Variants in MTCL1 observed in about 807,000 individuals in gnomAD.
MTCL1 encodes the protein microtubule crosslinking factor 1, also known as microtubule cross-linking factor 1.
MTCL1 carries 79 observed loss-of-function variants against 141.4 expected under a neutral mutation model. The observed-to-expected ratio is 0.56, with a 90% confidence interval of 0.47 to 0.67. MTCL1 has a LOEUF of 0.67. MTCL1 is among the 30% of genes least tolerant of loss of function. The pLI, the probability that MTCL1 is intolerant of heterozygous loss-of-function variation, is 0.00. For missense variants in MTCL1, 2,177 were observed against 2,113.9 expected (o/e 1.03, Z -0.59); for synonymous variants, 914 against 875.8 (o/e 1.04, Z -0.77).
At chr18:8,819,367 T>G (rs1487048740) in intron 13 of MTCL1, 108 bp downstream of exon 12, 3 of 1,147,188 alleles carry the variant, frequency 2.6e-6, no homozygotes, top group Non-Finnish European at 3.7e-6. Context: ...CTAGCACTTT[T>G]GCATACAGCA....
chr18:8,771,978 A>G (rs955261681), intron 4 of MTCL1, among the ~76,000 whole-genome samples: 1 of 152,232 alleles, frequency 6.6e-6, no homozygotes, highest in Non-Finnish European at 1.5e-5. Context: ...TAAACTGGGC[A>G]TGACTAATGT....
At chr18:8,753,627 A>C (rs2096382919) in intron 4 of MTCL1, among the ~76,000 whole-genome samples, 1 of 152,206 alleles carries the variant, frequency 6.6e-6, no homozygotes, top group Non-Finnish European at 1.5e-5. Context: ...CTGTGGTGTC[A>C]CAGCTGGGGA....
chr18:8,826,121 G>T (rs142663598), exon 15 of MTCL1: 1 of 1,613,226 alleles, frequency 6.2e-7, no homozygotes, highest in Non-Finnish European at 8.5e-7. Flanking sequence ...TCAACAAGAA[G>T]CTGCTGGAAC....
chr18:8,756,291 C>T (rs1161364790), intron 4 of MTCL1, among the ~76,000 whole-genome samples: 1 of 146,198 alleles, frequency 6.8e-6, no homozygotes, highest in East Asian at 1.9e-4. Flanking sequence ...CAGCCTTAGC[C>T]ATGAAAAAGA....
rs144478727 is a variant in MTCL1, at chr18:8,806,634, G to A, written c.2437-259G>A. 4.9e-3 allele frequency among the ~76,000 whole-genome samples: 740 copies of A among 152,266 alleles called. 4 individuals are homozygous for A. Among genetic ancestry groups the A allele is most frequent in the African/African-American group, 0.017 (695 of 41,544 alleles). On this transcript the variant is annotated intron_variant, in intron 10 of 16. Transcript: ENST00000359865. Reference sequence around the variant, plus strand: ...TTCCGGCGTCTGAACACAGCTGCCAGGTCACCAGGGCAGCCTTCCTTCTAC... The same window carrying A: ...TTCCGGCGTCTGAACACAGCTGCCAAGTCACCAGGGCAGCCTTCCTTCTAC...
chr18:8,793,226 C>T, intron 8 of MTCL1, 106 bp downstream of exon 7: 2 of 1,504,910 alleles, frequency 1.3e-6, no homozygotes, highest in Non-Finnish European at 1.8e-6. Flanking sequence ...TGCGTACAGG[C>T]TGCTAGACTC....
At chr18:8,769,583 C>T (rs1300798346) in intron 4 of MTCL1, among the ~76,000 whole-genome samples, 1 of 152,094 alleles carries the variant, frequency 6.6e-6, no homozygotes, top group African/African-American at 2.4e-5. Flanking sequence ...ATGTCATGTT[C>T]CCGAGTTTGC....
At chr18:8,712,790 A>G (rs1425907356), upstream of MTCL1, among the ~76,000 whole-genome samples, 2 of 152,270 alleles carry the variant, frequency 1.3e-5, no homozygotes, top group African/African-American at 2.4e-5. Flanking sequence ...AATGAGGTGG[A>G]TTATTCGTAT....
chr18:8,720,510 G>C lies in MTCL1; in HGVS notation c.357+14G>C, dbSNP rs367643439. The C allele has an allele frequency of 1.9e-6, 3 of 1,612,080 alleles. No homozygotes were observed. The highest frequency in any genetic ancestry group is 2.5e-6 in the Non-Finnish European group (3 of 1,178,722). Reference sequence around the variant, plus strand: ...AGACTGAAAGAGGTAATCCAAAACTGTGGGGGTCCTGCCCCCTTGGATTTA... The same window carrying C: ...AGACTGAAAGAGGTAATCCAAAACTCTGGGGGTCCTGCCCCCTTGGATTTA... On this transcript the variant is annotated intron_variant, in intron 4 of 16. Transcript: ENST00000359865.
intron 4 of MTCL1, among the ~76,000 whole-genome samples, chr18:8,733,206 G>A (rs924971895): frequency 2.6e-5 from 4 of 152,246 alleles, no homozygotes; most frequent in African/African-American, 7.2e-5. Context: ...GGGCTGAGGT[G>A]AGACGAGGCC....
intron 10 of MTCL1, chr18:8,802,010 T>G (rs2076139290): frequency 6.6e-6 from 1 of 152,202 alleles, no homozygotes; most frequent in African/African-American, 2.4e-5. Context: ...GGATAATGGT[T>G]TTTAGAAAAG....
intron 4 of MTCL1, among the ~76,000 whole-genome samples, chr18:8,730,329 G>A (rs370563640): frequency 2.6e-5 from 4 of 152,110 alleles, no homozygotes; most frequent in African/African-American, 7.2e-5. Flanking sequence ...ACACAGCCCC[G>A]TCCTTATGAA....
At chr18:8,768,748 A>G (rs527752621) in intron 4 of MTCL1, among the ~76,000 whole-genome samples, 1 of 150,188 alleles carries the variant, frequency 6.7e-6, no homozygotes, top group African/African-American at 2.4e-5. Flanking sequence ...ATTTCCTTCC[A>G]TTAGACCAAT....
At position 8,712,081 on chromosome 18, in the gene MTCL1, C is replaced by A. The variant is rs1207189971; in HGVS notation, c.1053+5368C>A. ...TTTAGCAGCCATAACCCCACACCTC[C>A]CCCACCCCCAAATAGTGTCCTCTTG... On this transcript the variant is annotated intron_variant, in intron 1 of 13. Coordinates refer to the MTCL1 transcript ENST00000306329. Among the ~76,000 whole-genome samples the A allele has an allele frequency of 2.0e-5, 3 of 152,208 alleles. No homozygotes were observed. In the East Asian group the frequency reaches 5.8e-4, roughly 29 times the overall value.
rs2242273 is a variant in MTCL1 at position 8,828,954 on chromosome 18, C to G, written c.*8C>G. The G allele has an allele frequency of 6.2e-7, 1 of 1,613,998 alleles. No individual in the cohort carries two copies. The highest frequency in any genetic ancestry group is 1.3e-5 in the African/African-American group (1 of 74,920). On this transcript the variant is annotated 3_prime_UTR_variant, in exon 16 of 17. Coordinates refer to ENST00000359865, the Ensembl canonical transcript of MTCL1. This position sits in a 1 kb window ranked among gnomAD's most constrained non-coding sequence, Gnocchi z 5.2. ...GCCCCCTGGGGACTCTAGCCCTGCC[C>G]GCCTCACGCTGTAAGTGCTTCCTTC...
chr18:8,817,680 G>C (rs980863691), intron 12 of MTCL1, among the ~76,000 whole-genome samples: 1 of 152,194 alleles, frequency 6.6e-6, no homozygotes, highest in Non-Finnish European at 1.5e-5. Context: ...GGAGGTTTTA[G>C]AATTTCCTGG....
upstream of MTCL1, among the ~76,000 whole-genome samples, chr18:8,717,187 T>G (rs189828973): frequency 6.6e-6 from 1 of 152,222 alleles, no homozygotes; most frequent in Admixed American, 6.5e-5. Context: ...AAGCTTACCT[T>G]GTTAGTGTAG....
rs59830434 is a variant in MTCL1, at chr18:8,710,457, CTTTTTTTTTT to C, written c.1053+3756_1053+3765del. 3.4e-3 allele frequency among the ~76,000 whole-genome samples: 410 copies of C among 121,824 alleles called. 2 individuals carry two copies. Among genetic ancestry groups the C allele is most frequent in the African/African-American group, 0.013 (392 of 30,850 alleles). The allele number at this position is 121,824 out of a possible 152,430, so 79.9% of individuals were successfully genotyped here. A position where few individuals can be genotyped will look rare whatever the true frequency, so the allele number is the denominator to read the frequency against. On this transcript the variant is annotated intron_variant, in intron 1 of 13. Transcript: ENST00000306329. ...GCTTCTCATAAAACCCAGGCACTTT[CTTTTTTTTTT>C]TTTTTTTTTTTCTCTTTAATTATGG... is the stretch of plus-strand genomic sequence containing the variant.
intron 12 of MTCL1, among the ~76,000 whole-genome samples, chr18:8,817,555 T>C (rs2076697711): frequency 6.6e-6 from 1 of 152,140 alleles, no homozygotes; most frequent in African/African-American, 2.4e-5. Context: ...ATGGCTTTCT[T>C]CCTGACTATA....
Sources: gnomAD v4.1 joint callset for allele counts (sites outside exome capture counted in the v4.1 genomes callset) on GRCh38, gnomAD v4.1.1 for gene constraint, Gnocchi (gnomAD v3.1) non-coding constraint, MANE v1.5 for transcripts, NCBI Gene and HGNC (gene_info 2026-07-23, HGNC 2026-07-21) for gene names.